APTX: variants seen among roughly 807,000 people sequenced by gnomAD.
APTX encodes the protein aprataxin.
In APTX, 33 loss-of-function variants were observed where a neutral mutation model predicts 42.3. That is an observed-to-expected ratio of 0.78 (90% CI 0.59 to 1.04). The LOEUF is 1.04. APTX is among the 50% of genes least tolerant of loss of function. The pLI, the probability that APTX is intolerant of heterozygous loss-of-function variation, is 0.00. For synonymous variants in APTX, 130 were observed against 146.7 expected (o/e 0.89, Z 0.82); for missense variants, 421 against 415.1 (o/e 1.01, Z -0.12).
At chr9:33,006,569 C>T (rs1304371113), upstream of APTX, among the ~76,000 whole-genome samples, 1 of 152,088 alleles carries the variant, frequency 6.6e-6, no homozygotes. Flanking sequence ...CAGAGACTTG[C>T]TCAGAAGGAA....
At chr9:33,003,578 G>A (rs1279947300), upstream of APTX, among the ~76,000 whole-genome samples, 1 of 151,964 alleles carries the variant, frequency 6.6e-6, no homozygotes, top group Non-Finnish European at 1.5e-5. Flanking sequence ...GTTGCAGTGA[G>A]CCAAGATCAC....
At chr9:32,984,988 G>A (rs1294235638) in intron 5 of APTX, 131 bp from the exon 6 acceptor site, 51 of 806,036 alleles carry the variant, frequency 6.3e-5, no homozygotes, top group Non-Finnish European at 1.0e-4. Flanking sequence ...AGTTTTGAGA[G>A]AGGAGAGCAC....
At chr9:33,011,683 T>C (rs530799806) in intron 1 of APTX, among the ~76,000 whole-genome samples, 1 of 152,328 alleles carries the variant, frequency 6.6e-6, no homozygotes, top group African/African-American at 2.4e-5. Context: ...TTTAAATGTA[T>C]CCATTCATCA....
intron 1 of APTX, among the ~76,000 whole-genome samples, chr9:33,012,113 T>TA (rs1335411448): frequency 8.5e-5 from 13 of 152,196 alleles, no homozygotes; most frequent in African/African-American, 3.1e-4. Context: ...GTCTTCACCA[T>TA]ACGTTTAACC....
chr9:32,974,813 G>A (rs956208698), intron 6 of APTX, among the ~76,000 whole-genome samples: 22 of 152,170 alleles, frequency 1.4e-4, no homozygotes, highest in African/African-American at 5.1e-4. Flanking sequence ...GAAACAAAAT[G>A]GGAAAAGCCT....
intron 1 of APTX, among the ~76,000 whole-genome samples, chr9:33,010,115 A>C (rs1837432968): frequency 6.6e-6 from 1 of 152,050 alleles, no homozygotes; most frequent in Admixed American, 6.6e-5. Flanking sequence ...AACCATAAGA[A>C]CCTTACGGTA....
intron 1 of APTX, among the ~76,000 whole-genome samples, chr9:32,998,031 C>T (rs1349885903): frequency 6.6e-6 from 1 of 152,088 alleles, no homozygotes; most frequent in Admixed American, 6.6e-5. Flanking sequence ...ATGGAGAAGA[C>T]TGCACAGATT....
intron 4 of APTX, chr9:32,986,251 C>T: frequency 1.5e-6 from 1 of 650,496 alleles, no homozygotes; most frequent in East Asian, 2.9e-5. Flanking sequence ...CTCACTCTGT[C>T]TCACCCAAGC....
At chr9:33,017,227 T>C (rs1837964428) in intron 1 of APTX, among the ~76,000 whole-genome samples, 4 of 152,222 alleles carry the variant, frequency 2.6e-5, no homozygotes, top group Admixed American at 2.0e-4. Context: ...AAGATACCAA[T>C]AGCAAGTCCA....
chr9:32,992,156 C>A (rs1030907616), intron 1 of APTX, among the ~76,000 whole-genome samples: 15 of 152,208 alleles, frequency 9.9e-5, no homozygotes, highest in African/African-American at 3.1e-4. Context: ...AAGCCTCTAA[C>A]ATGCCTCTCC....
At chr9:32,979,096 T>C (rs1011829195) in intron 6 of APTX, among the ~76,000 whole-genome samples, 8 of 152,152 alleles carry the variant, frequency 5.3e-5, no homozygotes, top group African/African-American at 1.2e-4. Flanking sequence ...TATAGGTAAA[T>C]TGTATGTCAC....
At chr9:32,990,840 G>A (rs777437648) in intron 1 of APTX, among the ~76,000 whole-genome samples, 6 of 152,120 alleles carry the variant, frequency 3.9e-5, no homozygotes, top group Non-Finnish European at 7.4e-5. Flanking sequence ...TTCCTTCCCT[G>A]TCATGACATA....
chr9:32,998,150 C>G (rs1224547934), intron 1 of APTX, among the ~76,000 whole-genome samples: 3 of 152,150 alleles, frequency 2.0e-5, no homozygotes, highest in African/African-American at 4.8e-5. Context: ...TTTGAAGTGT[C>G]TGTGGGACTT....
chr9:33,000,887 G>T (rs1276917358), intron 1 of APTX, among the ~76,000 whole-genome samples: 2 of 118,430 alleles, frequency 1.7e-5, no homozygotes, highest in East Asian at 5.2e-4. Context: ...CTCTTGGCAT[G>T]CCCAGGCTGG....
chr9:32,999,152 G>A (rs943114543), intron 1 of APTX, among the ~76,000 whole-genome samples: 1 of 152,184 alleles, frequency 6.6e-6, no homozygotes, highest in Non-Finnish European at 1.5e-5. Context: ...AGGGAGTAAA[G>A]GGATGACCAA....
chr9:32,975,093 G>C (rs1829059706), intron 6 of APTX, among the ~76,000 whole-genome samples: 1 of 152,102 alleles, frequency 6.6e-6, no homozygotes. Flanking sequence ...GCCAAGAGCA[G>C]GGGCCCTGAG....
rs548125306 is a variant in APTX at position 33,013,678 on chromosome 9, G to T, written c.-5+11345C>A. On this transcript the variant is annotated intron_variant, in intron 1 of 6. Transcript: ENST00000436040. ...AAAAATTAGCCGGGCATGGTGGCAG[G>T]TGCCTGTAGTCACAGCTACTCAGGA... Among the ~76,000 whole-genome samples, 1,051 of 152,298 alleles carry T rather than the reference G, an allele frequency of 6.9e-3. 5 individuals are homozygous for T. Among genetic ancestry groups the T allele is most frequent in the Non-Finnish European group, 0.011 (763 of 68,024 alleles).
At chr9:33,020,084 C>G (rs1227248375) in intron 1 of APTX, 7 of 387,008 alleles carry the variant, frequency 1.8e-5, no homozygotes, top group Admixed American at 4.5e-5. Context: ...TCACCCTAGC[C>G]ATCCCCGCAG....
chr9:33,008,840 C>G (rs1394154486), intron 1 of APTX, among the ~76,000 whole-genome samples: 2 of 151,982 alleles, frequency 1.3e-5, no homozygotes, highest in African/African-American at 2.4e-5. Context: ...ACGTGCGCCA[C>G]CGCGTTGGCC....
Sources: allele counts gnomAD v4.1 joint callset (sites outside exome capture counted in the v4.1 genomes callset), GRCh38; gene constraint gnomAD v4.1.1; transcripts MANE v1.5; gene names NCBI Gene and HGNC (gene_info 2026-07-23, HGNC 2026-07-21).